Variants in DDX18 observed in about 807,000 individuals in gnomAD.
DDX18 encodes the protein ATP-dependent RNA helicase DDX18.
Under a neutral mutation model 73.5 loss-of-function variants are expected in DDX18, and 23 were observed. The ratio of observed to expected loss-of-function variants is 0.31; its 90% CI spans 0.23 to 0.44. The LOEUF (loss-of-function observed/expected upper bound fraction) is 0.44. DDX18 is among the 20% of genes least tolerant of loss of function. The pLI, the probability that DDX18 is intolerant of heterozygous loss-of-function variation, is 1.00. For missense variants in DDX18, 753 were observed against 792.9 expected (o/e 0.95, Z 0.60); for synonymous variants, 268 against 282.7 (o/e 0.95, Z 0.52).
At chr2:117,823,603 CAT>C (rs778955697) in intron 7 of DDX18, among the ~76,000 whole-genome samples, 24 of 152,228 alleles carry the variant, frequency 1.6e-4, no homozygotes, top group African/African-American at 2.4e-4. Flanking sequence ...TATAGGCAAT[CAT>C]GTGCAGATAA....
chr2:117,814,903 G>T, intron 1 of DDX18, 41 bp downstream of exon 1: 1 of 1,608,498 alleles, frequency 6.2e-7, no homozygotes, highest in South Asian at 1.1e-5. Flanking sequence ...AGACCCACGC[G>T]CGAGCCCTGG....
At position 117,832,324 on chromosome 2, in the gene DDX18, C is replaced by T. The variant is rs899351703; in HGVS notation, c.*1600C>T. The stretch of plus-strand genomic sequence containing the variant: ...TCATCTACCTACTACTTGTAACCAG[C>T]TTGTTTCATAACATGTTATTTTCCT... On this transcript the variant is annotated 3_prime_UTR_variant, in exon 14 of 14. Coordinates refer to ENST00000263239, the MANE Select transcript of DDX18 (RefSeq NM_006773.4). 3.3e-5 allele frequency: 5 copies of T among 152,142 alleles called. No homozygotes were observed. Among genetic ancestry groups the T allele is most frequent in the African/African-American group, 4.8e-5 (2 of 41,422 alleles). 9.4% of individuals were successfully genotyped at this position (152,142 alleles called of 1,614,324 possible). A position where few individuals can be genotyped will look rare whatever the true frequency, so the allele number is the denominator to read the frequency against.
intron 13 of DDX18, 45 bp from the exon 14 acceptor site, chr2:117,830,537 A>C (rs554530644): frequency 8.8e-6 from 14 of 1,594,984 alleles, no homozygotes; most frequent in Non-Finnish European, 6.8e-6. Flanking sequence ...GTTAGATTGG[A>C]GTTCATTATC....
In DDX18 at chr2:117,831,135, G is replaced by C. The variant is rs541930036; in HGVS notation, c.*411G>C. ...TGACCTAGTGTACTGGGCAGCTGGT[G>C]GCGGTGCAGAAAAGAGTCTCAGGTT... On this transcript the variant is annotated 3_prime_UTR_variant, in exon 14 of 14. Coordinates refer to ENST00000263239, the MANE Select transcript of DDX18 (RefSeq NM_006773.4). The C allele has an allele frequency of 3.1e-5, 5 of 161,990 alleles. No individual in the cohort carries two copies. The highest frequency in any genetic ancestry group is 1.2e-4 in the African/African-American group (5 of 41,680). 10.0% of individuals were successfully genotyped at this position (161,990 alleles called of 1,614,324 possible). A position where few individuals can be genotyped will look rare whatever the true frequency, so the allele number is the denominator to read the frequency against.
intron 7 of DDX18, among the ~76,000 whole-genome samples, chr2:117,823,865 A>G (rs564058681): frequency 7.3e-4 from 111 of 152,336 alleles, no homozygotes; most frequent in Admixed American, 2.6e-4. Context: ...AATCAGAAAT[A>G]GATGGTCAAA....
chr2:117,819,902 C>A, intron 3 of DDX18, 110 bp downstream of exon 3: 1 of 1,106,038 alleles, frequency 9.0e-7, no homozygotes, highest in Non-Finnish European at 1.2e-6. Context: ...AAAAAAGTAA[C>A]TATCAACAAG....
chr2:117,821,881 C>T lies in DDX18; in HGVS notation c.771C>T (p.Leu257=). ...MPRNGTGVLI[L]SPTRELAMQT... ...TTTTAGGAACAGGAGTCCTTATTCT[C>T]TCACCTACTAGAGAACTAGCCATGC... The change falls in exon 6 of 14, where the codon CTC becomes CTT. Residue 257 remains leucine, a synonymous_variant. Transcript: ENST00000263239. 1 of 1,614,062 alleles carries T rather than the reference C, an allele frequency of 6.2e-7. No individual in the cohort carries two copies. The highest frequency in any genetic ancestry group is 1.7e-5 in the Admixed American group (1 of 60,016).
rs147348434 is a variant in DDX18 at position 117,822,472 on chromosome 2, C to T, written c.1066+211C>T. 2.7e-4 allele frequency: 126 copies of T among 460,506 alleles called. No homozygotes were observed. In the East Asian group the frequency reaches 4.9e-3, roughly 18 times the overall value. 28.5% of individuals were successfully genotyped at this position (460,506 alleles called of 1,614,324 possible). The stretch of plus-strand genomic sequence containing the variant: ...TTGCTGTTTTAGAAGTTATAAGGCA[C>T]GTTAAGCAGTCTTCACATAGGTCCT... On this transcript the variant is annotated intron_variant, in intron 7 of 13. Coordinates refer to ENST00000263239, the MANE Select transcript of DDX18 (RefSeq NM_006773.4).
At chr2:117,828,487 T>G (rs1679970770) in intron 11 of DDX18, 1 of 153,078 alleles carries the variant, frequency 6.5e-6, no homozygotes, top group Non-Finnish European at 1.5e-5. Flanking sequence ...GGCCTGTTGC[T>G]TTTCTAGTTA....
rs371711657 is a variant in DDX18 at position 117,817,653 on chromosome 2, G to A, written c.295G>A (p.Ala99Thr). The A allele has an allele frequency of 5.6e-6, 9 of 1,612,518 alleles. No homozygotes were observed. The highest frequency in any genetic ancestry group is 7.6e-6 in the Non-Finnish European group (9 of 1,179,636). ...KSTVLTNGEAAMQSSNSESKK... is the reference protein window; with the variant it reads ...KSTVLTNGEATMQSSNSESKK... ...CACTGTATTAACCAATGGAGAAGCA[G>A]CAATGCAGTCTTCCAATTCAGAATC... Residue 99 changes from alanine to threonine, a missense_variant, in exon 2 of 14, where the codon GCA becomes ACA. Physicochemically the swap from Ala to Thr is moderately conservative, Grantham distance 58. Around this residue, in one of 3 missense-constraint regions of DDX18, gnomAD observed 345 missense variants for 352.0 expected, o/e 0.98. Coordinates refer to ENST00000263239, the MANE Select transcript of DDX18 (RefSeq NM_006773.4).
chr2:117,821,121 AAAAG>A (rs763890201), intron 3 of DDX18, 36 bp from the exon 4 acceptor site: 6 of 1,492,440 alleles, frequency 4.0e-6, no homozygotes, highest in Admixed American at 2.4e-5. Flanking sequence ...TTTTTAAAAA[AAAAG>A]ATAAATTTGC....
chr2:117,824,108 T>C (rs1679886963), intron 7 of DDX18, among the ~76,000 whole-genome samples: 1 of 152,238 alleles, frequency 6.6e-6, no homozygotes, highest in Non-Finnish European at 1.5e-5. Flanking sequence ...CATAGTTTTC[T>C]TGTCATGTCA....
In DDX18 at chr2:117,830,747, G is replaced by T. The variant is rs755074058; in HGVS notation, c.*23G>T. 6.2e-7 allele frequency: 1 copy of T among 1,604,306 alleles called. No homozygotes were observed. Among genetic ancestry groups the T allele is most frequent in the Non-Finnish European group, 8.5e-7 (1 of 1,177,458 alleles). ...TGAACACATGCCTTCCTTTCATCTT[G>T]AATAACTTTGTCCTAAAATGAATTT... On this transcript the variant is annotated 3_prime_UTR_variant, in exon 14 of 14. Transcript: ENST00000263239.
chr2:117,824,856 G>C (rs749299204), intron 8 of DDX18, 84 bp from the exon 9 acceptor site: 2 of 1,505,444 alleles, frequency 1.3e-6, no homozygotes, highest in African/African-American at 2.8e-5. Flanking sequence ...GTGTTTATCA[G>C]TGCTCTTGAT....
intron 10 of DDX18, chr2:117,825,936 G>A (rs1391574132): frequency 5.6e-6 from 2 of 356,860 alleles, no homozygotes; most frequent in African/African-American, 4.2e-5. Context: ...TCATTGAGAA[G>A]TATTTTCAAC....
At position 117,831,112 on chromosome 2, in the gene DDX18, A is replaced by G; in HGVS notation, c.*388A>G. 5.6e-6 allele frequency: 1 copy of G among 180,112 alleles called. No homozygotes were observed. The highest frequency in any genetic ancestry group is 2.4e-5 in the African/African-American group (1 of 41,832). 11.2% of individuals were successfully genotyped at this position (180,112 alleles called of 1,614,324 possible). ...GCTGTGCTCACTGCTGTAAAAGGTG[A>G]CCTAGTGTACTGGGCAGCTGGTGGC... is the stretch of plus-strand genomic sequence containing the variant. On this transcript the variant is annotated 3_prime_UTR_variant, in exon 14 of 14. Coordinates refer to ENST00000263239, the MANE Select transcript of DDX18 (RefSeq NM_006773.4).
intron 4 of DDX18, 150 bp from the exon 5 acceptor site, chr2:117,821,500 T>TA (rs1679846549): frequency 9.3e-7 from 1 of 1,073,582 alleles, no homozygotes; most frequent in African/African-American, 1.6e-5. Context: ...AGTTCTGACT[T>TA]ATGATTTCAG....
chr2:117,817,394 A>G, intron 1 of DDX18, 50 bp from the exon 2 acceptor site: 1 of 1,498,520 alleles, frequency 6.7e-7, no homozygotes. Flanking sequence ...AGTGTTTCTA[A>G]GTAAACTTCT....
At chr2:117,825,897 C>T in intron 10 of DDX18, 1 of 415,804 alleles carries the variant, frequency 2.4e-6, no homozygotes, top group Non-Finnish European at 4.3e-6. Flanking sequence ...AGTAGATAAA[C>T]TTCTGTAGTA....
Sources: allele counts gnomAD v4.1 joint callset (sites outside exome capture counted in the v4.1 genomes callset), GRCh38; gene constraint gnomAD v4.1.1; regional missense constraint gnomAD v4.1.1; transcripts MANE v1.5; gene names NCBI Gene and HGNC (gene_info 2026-07-23, HGNC 2026-07-21).